Variants in ERG observed in about 807,000 individuals in gnomAD.
ERG encodes ETS transcription factor ERG.
A neutral mutation model predicts 55.3 loss-of-function variants in ERG; 9 were observed. That is an observed-to-expected ratio of 0.16 (90% CI 0.10 to 0.28). The LOEUF is 0.28. ERG is among the 10% of genes least tolerant of loss of function. The pLI is 1.00. For synonymous variants in ERG, 223 were observed against 237.3 expected (o/e 0.94, Z 0.55); for missense variants, 434 against 631.6 (o/e 0.69, Z 3.35).
chr21:38,414,284 G>A (rs1433252478), intron 3 of ERG, among the ~76,000 whole-genome samples: 2 of 152,204 alleles, frequency 1.3e-5, no homozygotes, highest in African/African-American at 4.8e-5. Flanking sequence ...AAGGACACCA[G>A]TCATTTTATT....
intron 1 of ERG, among the ~76,000 whole-genome samples, chr21:38,580,998 C>T (rs2060025088): frequency 6.6e-6 from 1 of 152,332 alleles, no homozygotes; most frequent in South Asian, 2.1e-4. Context: ...TGGCCACACT[C>T]CATTCAGCAA....
intron 1 of ERG, among the ~76,000 whole-genome samples, chr21:38,488,031 G>T (rs1047295788): frequency 1.1e-4 from 16 of 152,054 alleles, no homozygotes; most frequent in African/African-American, 3.6e-4. Context: ...TGCAATCTCT[G>T]CCCCCCACCT....
At position 38,383,851 on chromosome 21, in the gene ERG, G is replaced by A; in HGVS notation, c.992C>T (p.Thr331Ile). The A allele has an allele frequency of 6.2e-7, 1 of 1,614,164 alleles. No homozygotes were observed. The highest frequency in any genetic ancestry group is 8.5e-7 in the Non-Finnish European group (1 of 1,180,036). The stretch of plus-strand genomic sequence containing the variant: ...GAACTCCCCGTTGGTGCCTTCCCAG[G>A]TGATGCAGCTGGAGTTGGAGCTGTC... ...LSDSSNSSCITWEGTNGEFKM... is the reference protein window; with the variant it reads ...LSDSSNSSCIIWEGTNGEFKM... Residue 331 changes from threonine to isoleucine, a missense_variant, in exon 10 of 10, where the codon ACC becomes ATC. Transcript: ENST00000288319. This position sits in a 1 kb window ranked among gnomAD's most constrained non-coding sequence, Gnocchi z 5.7.
chr21:38,386,022 T>C (rs914544514), intron 9 of ERG, among the ~76,000 whole-genome samples: 1 of 152,236 alleles, frequency 6.6e-6, no homozygotes, highest in Non-Finnish European at 1.5e-5. Context: ...AACCTTGGCA[T>C]TGCCTCTTAG....
At chr21:38,534,032 A>T (rs766552276) in intron 2 of ERG, among the ~76,000 whole-genome samples, 6 of 152,120 alleles carry the variant, frequency 3.9e-5, no homozygotes, top group Non-Finnish European at 8.8e-5. Flanking sequence ...CACTTATACT[A>T]AACACTTCAC....
rs555701886 is a variant in ERG at position 38,460,092 on chromosome 21, G to A, written c.19-14471C>T. On this transcript the variant is annotated intron_variant, in intron 1 of 9. Transcript: ENST00000288319. This position sits in a 1 kb window ranked among gnomAD's most constrained non-coding sequence, Gnocchi z 5.0. Reference sequence around the variant, plus strand: ...AAACGCGAAGGAGGGGAGGGTGTGAGCCCCCATGCATTCATGAAGAATAGG... The same window carrying A: ...AAACGCGAAGGAGGGGAGGGTGTGAACCCCCATGCATTCATGAAGAATAGG... Among the ~76,000 whole-genome samples, 1 of 152,150 alleles carries A rather than the reference G, an allele frequency of 6.6e-6. No individual in the cohort carries two copies. The highest frequency in any genetic ancestry group is 1.5e-5 in the Non-Finnish European group (1 of 68,014).
chr21:38,585,520 C>A (rs2060057031), upstream of ERG, among the ~76,000 whole-genome samples: 1 of 63,906 alleles, frequency 1.6e-5, no homozygotes, highest in African/African-American at 4.4e-5. Context: ...AAATCCAGTC[C>A]CTCTCTCTCT....
chr21:38,482,978 A>G (rs141372413), intron 1 of ERG, among the ~76,000 whole-genome samples: 1 of 152,320 alleles, frequency 6.6e-6, no homozygotes, highest in African/African-American at 2.4e-5. Flanking sequence ...TGCCCGGCCC[A>G]TTTAGCTTTC....
intron 1 of ERG, among the ~76,000 whole-genome samples, chr21:38,615,422 A>G (rs900688510): frequency 6.6e-6 from 1 of 152,116 alleles, no homozygotes; most frequent in Non-Finnish European, 1.5e-5. Flanking sequence ...GAAGGTGGGA[A>G]GGCATCTCAA....
At chr21:38,448,205 G>T (rs941227120) in intron 1 of ERG, among the ~76,000 whole-genome samples, 2 of 152,166 alleles carry the variant, frequency 1.3e-5, no homozygotes, top group Admixed American at 6.5e-5. Flanking sequence ...TCTAAAGAAA[G>T]AAATCAAAGT....
intron 1 of ERG, among the ~76,000 whole-genome samples, chr21:38,654,216 G>A (rs562805445): frequency 2.3e-4 from 35 of 152,364 alleles, no homozygotes; most frequent in African/African-American, 8.4e-4. Flanking sequence ...AGTGGCTCAC[G>A]CCTGTAATCC....
chr21:38,463,891 G>A (rs900763499), intron 1 of ERG, among the ~76,000 whole-genome samples: 2 of 152,100 alleles, frequency 1.3e-5, no homozygotes, highest in African/African-American at 4.8e-5. Flanking sequence ...CCCACTTCCC[G>A]TATCCCCTCA....
chr21:38,525,811 C>T (rs560922401), intron 2 of ERG, among the ~76,000 whole-genome samples: 1 of 152,330 alleles, frequency 6.6e-6, no homozygotes, highest in East Asian at 1.9e-4. Flanking sequence ...CTTCTACCAA[C>T]CACACCTTCG....
intron 9 of ERG, among the ~76,000 whole-genome samples, chr21:38,389,012 G>C (rs539980932): frequency 8.6e-4 from 131 of 152,344 alleles, no homozygotes; most frequent in Non-Finnish European, 1.7e-3. Context: ...GCAAAGGCCA[G>C]TTTGGTCTTC....
intron 2 of ERG, among the ~76,000 whole-genome samples, chr21:38,507,987 AC>A (rs2059477914): frequency 2.0e-5 from 3 of 150,726 alleles, no homozygotes; most frequent in Non-Finnish European, 3.0e-5. Context: ...AGACACACAG[AC>A]ACACACACAT....
chr21:38,587,505 C>A (rs1019979227), upstream of ERG, among the ~76,000 whole-genome samples: 1 of 152,124 alleles, frequency 6.6e-6, no homozygotes, highest in Non-Finnish European at 1.5e-5. Flanking sequence ...ATTACAGGCG[C>A]CCGCCACCAC....
At chr21:38,537,123 C>G (rs1285141066) in intron 2 of ERG, among the ~76,000 whole-genome samples, 1 of 152,032 alleles carries the variant, frequency 6.6e-6, no homozygotes, top group African/African-American at 2.4e-5. Context: ...AAGTTGGGCT[C>G]TTACCTTATA....
downstream of ERG, among the ~76,000 whole-genome samples, chr21:38,379,050 G>A (rs2146402560): frequency 6.6e-6 from 1 of 152,320 alleles, no homozygotes; most frequent in East Asian, 1.9e-4. Context: ...CCAAAACGCT[G>A]AAGTCTTTTC....
intron 2 of ERG, among the ~76,000 whole-genome samples, chr21:38,508,088 C>T (rs1233180079): frequency 2.9e-5 from 2 of 69,792 alleles, no homozygotes; most frequent in East Asian, 7.9e-4. Flanking sequence ...CATATATACA[C>T]ACAGACACAC....
Sources: gnomAD v4.1 joint callset for allele counts (sites outside exome capture counted in the v4.1 genomes callset) on GRCh38, gnomAD v4.1.1 for gene constraint, Gnocchi (gnomAD v3.1) non-coding constraint, MANE v1.5 for transcripts, NCBI Gene and HGNC (gene_info 2026-07-23, HGNC 2026-07-21) for gene names.